CTNNA3: variants seen among roughly 807,000 people sequenced by gnomAD.
CTNNA3 encodes the protein catenin alpha-3.
In CTNNA3, 76 loss-of-function variants were observed where a neutral mutation model predicts 95.7. That is an observed-to-expected ratio of 0.79 (90% confidence interval 0.66 to 0.96). The LOEUF (loss-of-function observed/expected upper bound fraction) is 0.96, where lower values mean the gene tolerates loss of function less well. Ranked by LOEUF, CTNNA3 falls within the 40% of genes least tolerant of loss-of-function variation. The pLI, the probability that CTNNA3 is intolerant of heterozygous loss-of-function variation, is 0.00. For missense variants in CTNNA3, 1,191 were observed against 1,089.8 expected, an observed-to-expected ratio of 1.09 and a Z score of -1.31; for synonymous variants, 431 against 374.4, an observed-to-expected ratio of 1.15 and a Z score of -1.74.
intron 1 of CTNNA3, among the ~76,000 whole-genome samples, chr10:67,701,308 C>G (rs1251882255): frequency 6.6e-6 from 1 of 151,986 alleles, no homozygotes; most frequent in Non-Finnish European, 1.5e-5. Flanking sequence ...AGAGCAACAC[C>G]AAGACACATA....
At chr10:66,598,230 T>C (rs1271382569) in intron 10 of CTNNA3, among the ~76,000 whole-genome samples, 1 of 152,062 alleles carries the variant, frequency 6.6e-6, no homozygotes, top group African/African-American at 2.4e-5. Context: ...ATAAAAACTC[T>C]CGACAAACTA....
chr10:67,152,122 T>C (rs539268701), intron 7 of CTNNA3, among the ~76,000 whole-genome samples: 1 of 152,192 alleles, frequency 6.6e-6, no homozygotes, highest in Non-Finnish European at 1.5e-5. Flanking sequence ...TACACCAAAC[T>C]CTAACATATG....
intron 12 of CTNNA3, among the ~76,000 whole-genome samples, chr10:66,327,702 T>A (rs1187635758): frequency 6.6e-6 from 1 of 151,872 alleles, no homozygotes; most frequent in Admixed American, 6.6e-5. Context: ...TTATTAAAAT[T>A]TTTTCCATTG....
At chr10:66,417,695 G>T (rs190564284) in intron 11 of CTNNA3, among the ~76,000 whole-genome samples, 1 of 151,594 alleles carries the variant, frequency 6.6e-6, no homozygotes, top group Non-Finnish European at 1.5e-5. Context: ...GATCACAGTG[G>T]AATAAAACAA....
rs190521172 is a variant in CTNNA3, at chr10:66,384,300, G to C, written c.1532-4948C>G. Reference sequence around the variant, plus strand: ...AAAAAAAGCAGGGGTTGCAATCCTAGTCTCTGATAAAACACACTTTAAACC... The same window carrying C: ...AAAAAAAGCAGGGGTTGCAATCCTACTCTCTGATAAAACACACTTTAAACC... On this transcript the variant is annotated intron_variant, in intron 11 of 17. Transcript: ENST00000433211. Among the ~76,000 whole-genome samples the C allele has an allele frequency of 2.4e-3, 373 of 152,246 alleles. 2 individuals carry two copies. Among genetic ancestry groups the C allele is most frequent in the Middle Eastern group, 0.024 (7 of 294 alleles).
rs149578659 is a variant in CTNNA3 at position 66,179,629 on chromosome 10, A to G, written c.1885-76380T>C. 3.9e-4 allele frequency among the ~76,000 whole-genome samples: 59 copies of G among 152,276 alleles called. 2 individuals are homozygous for G. Among genetic ancestry groups the G allele is most frequent in the African/African-American group, 1.4e-3 (58 of 41,562 alleles). ...TAAATAAATAATTTGCAAGCTCTGA[A>G]AGGATCTCCATAAAGGCAATCACAA... On this transcript the variant is annotated intron_variant, in intron 13 of 17. Coordinates refer to ENST00000433211, the MANE Select transcript of CTNNA3 (RefSeq NM_013266.4).
At chr10:65,948,174 G>A (rs368747474) in intron 17 of CTNNA3, among the ~76,000 whole-genome samples, 1 of 151,520 alleles carries the variant, frequency 6.6e-6, no homozygotes, top group African/African-American at 2.4e-5. Flanking sequence ...CCAGCTACTC[G>A]GGAGACTGAG....
chr10:67,512,732 A>C (rs900028302), intron 5 of CTNNA3, among the ~76,000 whole-genome samples: 1 of 151,696 alleles, frequency 6.6e-6, no homozygotes, highest in Non-Finnish European at 1.5e-5. Flanking sequence ...CACACCTGTA[A>C]TTCCAGCACT....
intron 7 of CTNNA3, among the ~76,000 whole-genome samples, chr10:67,071,639 T>C (rs1160231531): frequency 1.3e-5 from 2 of 152,194 alleles, no homozygotes; most frequent in African/African-American, 2.4e-5. Context: ...CTTGAACTTG[T>C]GTGTGGCGGT....
At chr10:66,950,563 C>A (rs1020146571) in intron 7 of CTNNA3, among the ~76,000 whole-genome samples, 6 of 151,888 alleles carry the variant, frequency 4.0e-5, no homozygotes, top group African/African-American at 1.2e-4. Flanking sequence ...TAGTTCATAT[C>A]ATAAAACATT....
At chr10:67,412,535 C>T (rs1240050474) in intron 5 of CTNNA3, among the ~76,000 whole-genome samples, 1 of 151,926 alleles carries the variant, frequency 6.6e-6, no homozygotes, top group Non-Finnish European at 1.5e-5. Context: ...CAAGATGACC[C>T]TACCCGAGGC....
At chr10:67,149,435 A>G (rs916765675) in intron 7 of CTNNA3, among the ~76,000 whole-genome samples, 2 of 151,970 alleles carry the variant, frequency 1.3e-5, no homozygotes, top group African/African-American at 4.8e-5. Context: ...AATACAAAAA[A>G]TTAGCCCAGC....
chr10:66,704,230 T>C (rs1848046545), intron 9 of CTNNA3, among the ~76,000 whole-genome samples: 1 of 152,130 alleles, frequency 6.6e-6, no homozygotes, highest in Non-Finnish European at 1.5e-5. Context: ...CTTCAGGTCA[T>C]ATATGGTAGT....
chr10:67,005,957 A>T (rs897052436), intron 7 of CTNNA3, among the ~76,000 whole-genome samples: 1 of 151,938 alleles, frequency 6.6e-6, no homozygotes, highest in Non-Finnish European at 1.5e-5. Flanking sequence ...AAATGCTGGG[A>T]TTACAAGCGT....
intron 5 of CTNNA3, among the ~76,000 whole-genome samples, chr10:67,228,473 C>T (rs113360868): frequency 0.085 from 12,978 of 151,970 alleles, 602 homozygotes; most frequent in East Asian, 0.14. Flanking sequence ...ATTAGCAGGG[C>T]GTGGTGGCAG....
At chr10:66,532,456 C>T (rs1176555352) in intron 10 of CTNNA3, among the ~76,000 whole-genome samples, 8 of 131,130 alleles carry the variant, frequency 6.1e-5, no homozygotes, top group African/African-American at 1.4e-4. Flanking sequence ...AGCGAGACTC[C>T]GTCTCAAAAA....
intron 10 of CTNNA3, among the ~76,000 whole-genome samples, chr10:66,606,828 A>G (rs1844140482): frequency 6.6e-6 from 1 of 152,124 alleles, no homozygotes; most frequent in Non-Finnish European, 1.5e-5. Flanking sequence ...AGTTAGAAAG[A>G]TCTCAAGTTA....
At chr10:66,825,708 T>A (rs1425196502) in intron 7 of CTNNA3, among the ~76,000 whole-genome samples, 2 of 152,100 alleles carry the variant, frequency 1.3e-5, no homozygotes, top group Non-Finnish European at 2.9e-5. Context: ...TAGCCAAACT[T>A]TTTTTTCTAC....
intron 11 of CTNNA3, among the ~76,000 whole-genome samples, chr10:66,382,270 G>A (rs1026892878): frequency 6.6e-6 from 1 of 152,178 alleles, no homozygotes; most frequent in African/African-American, 2.4e-5. Flanking sequence ...AGCAGAAAAG[G>A]TGATTCTCTC....
Sources: gnomAD v4.1 joint callset for allele counts (sites outside exome capture counted in the v4.1 genomes callset) on GRCh38, gnomAD v4.1.1 for gene constraint, MANE v1.5 for transcripts, NCBI Gene and HGNC (gene_info 2026-07-23, HGNC 2026-07-21) for gene names.